Variants in HECW1 observed in about 807,000 individuals in gnomAD.
HECW1 encodes HECT, C2 and WW domain containing E3 ubiquitin protein ligase 1.
Under a neutral mutation model 182.3 loss-of-function variants are expected in HECW1, and 61 were observed. The ratio of observed to expected loss-of-function variants is 0.33; its 90% CI spans 0.27 to 0.41. The LOEUF is 0.41. Ranked by LOEUF, HECW1 falls within the 10% of genes least tolerant of loss-of-function variation. HECW1 has a pLI of 1.00. For missense variants in HECW1, 1,739 were observed against 2,108.9 expected, an observed-to-expected ratio of 0.82 and a Z score of 3.44; for synonymous variants, 859 against 832.6, an observed-to-expected ratio of 1.03 and a Z score of -0.55.
chr7:43,243,885 G>A lies in HECW1; in HGVS notation c.-21G>A, dbSNP rs368562868. 3.1e-5 allele frequency: 50 copies of A among 1,612,954 alleles called. No individual in the cohort carries two copies. The highest frequency in any genetic ancestry group is 6.7e-5 in the Admixed American group (4 of 59,988). On this transcript the variant is annotated 5_prime_UTR_variant, in exon 3 of 30. Coordinates refer to ENST00000395891, the MANE Select transcript of HECW1 (RefSeq NM_015052.5). The surrounding 1 kb of genome is among the most constrained non-coding windows in gnomAD (Gnocchi z 4.0). ...TGGACTTTTCCCCAGGAATTGATGC[G>A]CGTACACGTGGTGGGTCATTATGCT...
intron 2 of HECW1, among the ~76,000 whole-genome samples, chr7:43,180,374 T>G (rs1792717833): frequency 7.1e-6 from 1 of 140,702 alleles, no homozygotes; most frequent in Non-Finnish European, 1.6e-5. Flanking sequence ...TAAGTTTTAT[T>G]TTATTATTTT....
At chr7:43,553,431 A>G (rs921441844) in intron 28 of HECW1, among the ~76,000 whole-genome samples, 1 of 152,144 alleles carries the variant, frequency 6.6e-6, no homozygotes, top group Non-Finnish European at 1.5e-5. Flanking sequence ...TAATCCCAGC[A>G]CTTTGGAAGA....
At chr7:43,257,397 C>A (rs1168150233) in intron 3 of HECW1, among the ~76,000 whole-genome samples, 1 of 152,110 alleles carries the variant, frequency 6.6e-6, no homozygotes, top group Non-Finnish European at 1.5e-5. Context: ...TGGGTACACT[C>A]TGGGAATCAC....
intron 6 of HECW1, among the ~76,000 whole-genome samples, chr7:43,391,560 A>C (rs10224012): frequency 0.27 from 40,808 of 152,034 alleles, 5,642 homozygotes; most frequent in South Asian, 0.41. Flanking sequence ...CTTTGTTGGG[A>C]CTTCTTAGTC....
intron 3 of HECW1, among the ~76,000 whole-genome samples, chr7:43,276,182 T>A (rs1803119585): frequency 6.6e-6 from 1 of 152,214 alleles, no homozygotes; most frequent in South Asian, 2.1e-4. Context: ...ACATAACAAC[T>A]ATGCCAGGGA....
At chr7:43,521,540 A>G (rs2080474092) in intron 24 of HECW1, among the ~76,000 whole-genome samples, 1 of 152,176 alleles carries the variant, frequency 6.6e-6, no homozygotes, top group Admixed American at 6.5e-5. Flanking sequence ...TTTTTCCAAA[A>G]TTCATAGGTT....
chr7:43,434,319 G>A (rs2152868352), intron 8 of HECW1, among the ~76,000 whole-genome samples: 2 of 152,336 alleles, frequency 1.3e-5, no homozygotes, highest in Admixed American at 6.5e-5. Flanking sequence ...AGGCAGGTGG[G>A]GTCTGGATAG....
At chr7:43,302,922 C>T (rs1185105668) in intron 3 of HECW1, among the ~76,000 whole-genome samples, 1 of 146,256 alleles carries the variant, frequency 6.8e-6, no homozygotes, top group African/African-American at 2.6e-5. Context: ...ACACACACCA[C>T]ACACACCCAC....
At chr7:43,265,147 T>G (rs1365548927) in intron 3 of HECW1, among the ~76,000 whole-genome samples, 3 of 152,204 alleles carry the variant, frequency 2.0e-5, no homozygotes, top group Non-Finnish European at 2.9e-5. Context: ...CTCATTGTCC[T>G]AGTCTATGGG....
At position 43,150,687 on chromosome 7, in the gene HECW1, C is replaced by T. The variant is rs138430598; in HGVS notation, c.-32+36296C>T. On this transcript the variant is annotated intron_variant, in intron 2 of 29. Coordinates refer to ENST00000395891, the MANE Select transcript of HECW1 (RefSeq NM_015052.5). ...AGCCACTGCATCAGGCCTGGATCAG[C>T]ATTTTAAAGATGGCGTCACAATGGC... 4.6e-5 allele frequency among the ~76,000 whole-genome samples: 7 copies of T among 152,304 alleles called. No individual in the cohort carries two copies. In the East Asian group the frequency reaches 1.2e-3, roughly 25 times the overall value.
chr7:43,491,924 C>T (rs2093912925), intron 17 of HECW1, 151 bp from the exon 18 acceptor site: 1 of 616,692 alleles, frequency 1.6e-6, no homozygotes, highest in Non-Finnish European at 2.9e-6. Flanking sequence ...TCTACTTAGA[C>T]ACTTTTGTAA....
chr7:43,408,830 T>C (rs1223134148), intron 8 of HECW1, among the ~76,000 whole-genome samples: 1 of 152,164 alleles, frequency 6.6e-6, no homozygotes, highest in East Asian at 1.9e-4. Flanking sequence ...TAATGTAGGT[T>C]AAAAGTACAG....
chr7:43,390,353 A>G (rs1275415269), intron 6 of HECW1, among the ~76,000 whole-genome samples: 1 of 152,084 alleles, frequency 6.6e-6, no homozygotes, highest in Admixed American at 6.5e-5. Context: ...AGCCTGGGCA[A>G]CATAGTGAGA....
intron 6 of HECW1, among the ~76,000 whole-genome samples, chr7:43,365,592 T>C (rs1328146155): frequency 6.6e-6 from 1 of 152,252 alleles, no homozygotes; most frequent in African/African-American, 2.4e-5. Flanking sequence ...AGGATTATGT[T>C]ACACTGGATT....
intron 2 of HECW1, chr7:43,241,616 ATGTGTG>A (rs57645139): frequency 0.18 from 21,676 of 121,898 alleles, 1,686 homozygotes; most frequent in African/African-American, 0.19. Flanking sequence ...CTCCTAATGT[ATGTGTG>A]TGTGTGTGTG....
intron 2 of HECW1, among the ~76,000 whole-genome samples, chr7:43,229,910 C>T (rs974496947): frequency 6.6e-6 from 1 of 152,242 alleles, no homozygotes; most frequent in Admixed American, 6.5e-5. Context: ...GTCTTTTTTG[C>T]CATACTTTTG....
Position 43,166,067 on chromosome 7 carries a change from G to A in HECW1, c.-32+51676G>A, listed in dbSNP as rs1355898747. 4.6e-5 allele frequency among the ~76,000 whole-genome samples: 7 copies of A among 152,284 alleles called. No individual in the cohort carries two copies. In the East Asian group the frequency reaches 1.3e-3, roughly 29 times the overall value. ...AAAGTCTTCCTTCCTCTCTGGTGAA[G>A]GGATTTTTGTTTGTTTGTGTTTTTG... On this transcript the variant is annotated intron_variant, in intron 2 of 29. Transcript: ENST00000395891.
intron 8 of HECW1, among the ~76,000 whole-genome samples, chr7:43,415,322 A>C (rs1349337999): frequency 6.9e-6 from 1 of 144,674 alleles, no homozygotes; most frequent in Non-Finnish European, 1.5e-5. Flanking sequence ...TTCTGGGTTG[A>C]AAATTCTTTT....
chr7:43,456,226 A>C, intron 12 of HECW1, 71 bp from the exon 13 acceptor site: 1 of 1,477,610 alleles, frequency 6.8e-7, no homozygotes, highest in Non-Finnish European at 9.3e-7. Context: ...AAGACTTGGA[A>C]GTTGTATGTG....
Sources: gnomAD v4.1 joint callset for allele counts (sites outside exome capture counted in the v4.1 genomes callset) on GRCh38, gnomAD v4.1.1 for gene constraint, Gnocchi (gnomAD v3.1) non-coding constraint, MANE v1.5 for transcripts, NCBI Gene and HGNC (gene_info 2026-07-23, HGNC 2026-07-21) for gene names.